The following PTGDR variants were observed in gnomAD, a reference collection of about 807,000 sequenced individuals.
PTGDR encodes the protein PGD2 receptor.
Under a neutral mutation model 17.4 loss-of-function variants are expected in PTGDR, and 19 were observed. That is an observed-to-expected ratio of 1.09 (90% CI 0.76 to 1.60). The LOEUF is 1.60. Ranked by LOEUF, PTGDR falls within the 40% of genes most tolerant of loss-of-function variation. PTGDR has a pLI of 0.00. For missense variants in PTGDR, 526 were observed against 481.9 expected (o/e 1.09, Z -0.86); for synonymous variants, 267 against 224.2 (o/e 1.19, Z -1.71).
At chr14:52,271,270 C>T (rs1484155060) in intron 1 of PTGDR, among the ~76,000 whole-genome samples, 2 of 152,034 alleles carry the variant, frequency 1.3e-5, no homozygotes, top group African/African-American at 2.4e-5. Flanking sequence ...TTATTGTTGC[C>T]TGCTGGACAT....
At chr14:52,274,581 C>A in intron 1 of PTGDR, 150 bp from the exon 2 acceptor site, 1 of 664,976 alleles carries the variant, frequency 1.5e-6, no homozygotes, top group Non-Finnish European at 2.6e-6. Context: ...CACCCATCAG[C>A]TGCTGTGGCC....
downstream of PTGDR, among the ~76,000 whole-genome samples, chr14:52,280,874 G>A (rs975965230): frequency 2.0e-5 from 3 of 152,052 alleles, no homozygotes; most frequent in Admixed American, 6.5e-5. Context: ...TATCTCCCAG[G>A]TGTGTATCCT....
chr14:52,274,248 T>C (rs1168767827), intron 1 of PTGDR, among the ~76,000 whole-genome samples: 1 of 152,228 alleles, frequency 6.6e-6, no homozygotes, highest in African/African-American at 2.4e-5. Context: ...GGTGTCTCCA[T>C]ACATATGACA....
At chr14:52,270,186 C>G (rs1365981445) in intron 1 of PTGDR, among the ~76,000 whole-genome samples, 1 of 152,170 alleles carries the variant, frequency 6.6e-6, no homozygotes, top group Non-Finnish European at 1.5e-5. Context: ...GAGCCAAATA[C>G]TATTTCAAGA....
chr14:52,278,378 AACACC>A (rs2033454013), downstream of PTGDR, among the ~76,000 whole-genome samples: 1 of 152,226 alleles, frequency 6.6e-6, no homozygotes, highest in African/African-American at 2.4e-5. Flanking sequence ...CAAAAATCCA[AACACC>A]ACATGTTCTC....
chr14:52,274,760 T>C lies in PTGDR; in HGVS notation c.876T>C (p.Asp292=), dbSNP rs766086365. ...GCGCTTACTATGGAGCATTTAAGGA[T>C]GTCAAGGAGAAAAACAGGACCTCTG... ...IYRAYYGAFK[D]VKEKNRTSEE... Residue 292 remains aspartate (D), a synonymous_variant, in exon 2 of 2, where the codon GAT becomes GAC. Transcript: ENST00000306051. 1.6e-5 allele frequency: 26 copies of C among 1,613,104 alleles called. No individual in the cohort carries two copies. Among genetic ancestry groups the C allele is most frequent in the Non-Finnish European group, 2.1e-5 (25 of 1,179,006 alleles).
At chr14:52,279,047 T>G (rs948513143), downstream of PTGDR, among the ~76,000 whole-genome samples, 1 of 152,208 alleles carries the variant, frequency 6.6e-6, no homozygotes, top group Non-Finnish European at 1.5e-5. Context: ...GAGGACTAGA[T>G]AGTCACCTAT....
At chr14:52,269,421 T>C in intron 1 of PTGDR, 2 of 1,474,108 alleles carry the variant, frequency 1.4e-6, no homozygotes, top group South Asian at 2.4e-5. Flanking sequence ...AGGATAGCGA[T>C]GGAAATGAAA....
Position 52,276,452 on chromosome 14 carries a change from A to G in PTGDR, c.*1488A>G, listed in dbSNP as rs1444792274. 1 of 152,078 alleles carries G rather than the reference A, an allele frequency of 6.6e-6. No homozygotes were observed. The highest frequency in any genetic ancestry group is 1.5e-5 in the Non-Finnish European group (1 of 68,018). 9.4% of individuals were successfully genotyped at this position (152,078 alleles called of 1,614,324 possible). ...ATCTGAGATAATATAAAGCTGGGTAATTTTTTATGTAATTTTTTGGTATAG... is the reference window on the plus strand; with the variant it reads ...ATCTGAGATAATATAAAGCTGGGTAGTTTTTTATGTAATTTTTTGGTATAG... On this transcript the variant is annotated 3_prime_UTR_variant, in exon 2 of 2. Coordinates refer to ENST00000306051, the MANE Select transcript of PTGDR (RefSeq NM_000953.3).
rs41312444 is a variant in PTGDR at position 52,268,407 on chromosome 14, G to C, written c.593G>C (p.Gly198Ala). The C allele has an allele frequency of 6.2e-7, 1 of 1,611,224 alleles. No homozygotes were observed. The highest frequency in any genetic ancestry group is 8.5e-7 in the Non-Finnish European group (1 of 1,180,020). The change falls in exon 1 of 2, where the codon GGG (glycine) becomes GCG (alanine). Residue 198 changes from glycine to alanine, a missense_variant. Physicochemically the swap from Gly to Ala is moderately conservative, Grantham distance 60. Coordinates refer to ENST00000306051, the MANE Select transcript of PTGDR (RefSeq NM_000953.3). ...GAGGAGGGCTCGCTGTCGGTGCTGG[G>C]GTACTCTGTGCTCTACTCCAGCCTC... ...VHEEGSLSVL[G>A]YSVLYSSLMA...
rs1173704400 is a variant in PTGDR at position 52,268,571 on chromosome 14, G to A, written c.757G>A (p.Ala253Thr). The change falls in exon 1 of 2, where the codon GCG becomes ACG. Residue 253 changes from alanine (A) to threonine (T), a missense_variant. Ala to Thr is a moderately conservative substitution (Grantham distance 58). Transcript: ENST00000306051. Reference protein sequence around the residue: ...CAEPRADGREASPQPLEELDH... With the variant: ...CAEPRADGRETSPQPLEELDH... Reference sequence around the variant, plus strand: ...CGAGCCGCGCGCGGACGGGAGGGAAGCGTCCCCTCAGCCCCTGGAGGAGCT... The same window carrying A: ...CGAGCCGCGCGCGGACGGGAGGGAAACGTCCCCTCAGCCCCTGGAGGAGCT... 6.2e-7 allele frequency: 1 copy of A among 1,612,512 alleles called. No individual in the cohort carries two copies. The highest frequency in any genetic ancestry group is 2.2e-5 in the East Asian group (1 of 44,870).
downstream of PTGDR, among the ~76,000 whole-genome samples, chr14:52,279,230 T>G (rs1413179580): frequency 6.6e-6 from 1 of 152,212 alleles, no homozygotes; most frequent in Non-Finnish European, 1.5e-5. Flanking sequence ...TGATGAAGAA[T>G]GTTCTCATAT....
chr14:52,274,939 C>T lies in PTGDR; in HGVS notation c.1055C>T (p.Ser352Phe), dbSNP rs201662277. 8.3e-5 allele frequency: 131 copies of T among 1,586,022 alleles called. 2 individuals carry two copies. In the South Asian group the frequency reaches 1.0e-3, roughly 12 times the overall value. Residue 352 changes from serine to phenylalanine, a missense_variant, in exon 2 of 2, where the codon TCC becomes TTC. Ser to Phe is a radical substitution (Grantham distance 155). Coordinates refer to ENST00000306051, the MANE Select transcript of PTGDR (RefSeq NM_000953.3). The part of the protein sequence containing the change: ...PLRYRSRCSN[S>F]TNMESSL ...AGGTACAGGAGCCGGTGCAGCAATT[C>T]CACTAACATGGAATCCAGTCTGTGA...
intron 1 of PTGDR, among the ~76,000 whole-genome samples, chr14:52,271,097 A>G (rs1277869436): frequency 6.6e-6 from 1 of 152,110 alleles, no homozygotes; most frequent in East Asian, 1.9e-4. Context: ...ACCCTTTCTG[A>G]CCTCAGTTTC....
At position 52,275,404 on chromosome 14, in the gene PTGDR, A is replaced by ACCTG. The variant is rs1180406676; in HGVS notation, c.*441_*444dup. 6.3e-6 allele frequency: 1 copy of ACCTG among 157,604 alleles called. No individual in the cohort carries two copies. Among genetic ancestry groups the ACCTG allele is most frequent in the African/African-American group, 2.4e-5 (1 of 41,428 alleles). 9.8% of individuals were successfully genotyped at this position (157,604 alleles called of 1,614,324 possible). On this transcript the variant is annotated 3_prime_UTR_variant, in exon 2 of 2. Transcript: ENST00000306051. ...CTTACCCTATTCATTTTTTGGTGAA[A>ACCTG]CCTGATTCATTGATTTTATATCATT...
In PTGDR at chr14:52,274,858, T is replaced by C; in HGVS notation, c.974T>C (p.Ile325Thr). 6.2e-7 allele frequency: 1 copy of C among 1,609,588 alleles called. No homozygotes were observed. Among genetic ancestry groups the C allele is most frequent in the Non-Finnish European group, 8.5e-7 (1 of 1,175,828 alleles). Residue 325 changes from isoleucine (I) to threonine (T), a missense_variant, in exon 2 of 2, where the codon ATT becomes ACT. Transcript: ENST00000306051. ...ATTGTGGACCCTTGGATTTTTATCA[T>C]TTTCAGATCTCCAGTATTTCGGATA... The part of the protein sequence containing the change: ...ISIVDPWIFI[I>T]FRSPVFRIFF...
chr14:52,268,687 G>A (rs2033266568), intron 1 of PTGDR, 27 bp downstream of exon 1: 2 of 1,545,626 alleles, frequency 1.3e-6, no homozygotes, highest in Admixed American at 3.8e-5. Context: ...CGAGGCAGCA[G>A]GGCACTGAGA....
intron 1 of PTGDR, among the ~76,000 whole-genome samples, chr14:52,271,271 T>C (rs2033318121): frequency 6.6e-6 from 1 of 152,188 alleles, no homozygotes; most frequent in Non-Finnish European, 1.5e-5. Context: ...TATTGTTGCC[T>C]GCTGGACATA....
At chr14:52,277,238 T>A (rs2033441281), downstream of PTGDR, among the ~76,000 whole-genome samples, 1 of 152,152 alleles carries the variant, frequency 6.6e-6, no homozygotes, top group African/African-American at 2.4e-5. Context: ...GAGTACGCAT[T>A]TACTATTAGA....
Sources: gnomAD v4.1 joint callset for allele counts (sites outside exome capture counted in the v4.1 genomes callset) on GRCh38, gnomAD v4.1.1 for gene constraint, MANE v1.5 for transcripts, NCBI Gene and HGNC (gene_info 2026-07-23, HGNC 2026-07-21) for gene names.